DACH1: variants seen among roughly 807,000 people sequenced by gnomAD.
DACH1 encodes the protein dachshund homolog 1.
In DACH1, 12 loss-of-function variants were observed where a neutral mutation model predicts 54.2. That is an observed-to-expected ratio of 0.22 (90% CI 0.14 to 0.36). The LOEUF is 0.36. Among genes scored for constraint, DACH1 ranks in the 10% least tolerant of loss-of-function variants. The probability of loss-of-function intolerance (pLI) is 1.00; values close to 1 mark genes in which losing one functional copy is unlikely to be tolerated. For synonymous variants in DACH1, 386 were observed against 366.2 expected (o/e 1.05, Z -0.62); for missense variants, 805 against 929.8 (o/e 0.87, Z 1.75).
chr13:71,720,614 A>C (rs552713941), intron 1 of DACH1, among the ~76,000 whole-genome samples: 101 of 152,306 alleles, frequency 6.6e-4, no homozygotes, highest in Non-Finnish European at 1.1e-3. Context: ...TCGGTATTTT[A>C]ATGAAATATG....
chr13:71,548,650 C>G (rs867464774), intron 6 of DACH1, among the ~76,000 whole-genome samples: 1 of 152,096 alleles, frequency 6.6e-6, no homozygotes, highest in Non-Finnish European at 1.5e-5. Flanking sequence ...CTGTGTGGTG[C>G]TCACGCCTGT....
intron 2 of DACH1, among the ~76,000 whole-genome samples, chr13:71,671,523 A>C (rs906093587): frequency 6.6e-6 from 1 of 152,076 alleles, no homozygotes; most frequent in East Asian, 1.9e-4. Flanking sequence ...AAAGTAAAAT[A>C]AAATAGAATC....
chr13:71,794,484 G>A (rs923879183), intron 1 of DACH1, among the ~76,000 whole-genome samples: 1 of 152,110 alleles, frequency 6.6e-6, no homozygotes, highest in African/African-American at 2.4e-5. Context: ...TGTCGCCCAG[G>A]CTGGAGTGCA....
At chr13:71,703,333 A>G (rs545992199) in intron 1 of DACH1, among the ~76,000 whole-genome samples, 10 of 152,152 alleles carry the variant, frequency 6.6e-5, no homozygotes, top group Non-Finnish European at 1.3e-4. Context: ...GATGTGACAT[A>G]TACCGTCACT....
Position 71,588,223 on chromosome 13 carries a change from CACAGG to C in DACH1, c.1127-15216_1127-15212del, listed in dbSNP as rs1873422973. Among the ~76,000 whole-genome samples, 5 of 152,172 alleles carry C rather than the reference CACAGG, an allele frequency of 3.3e-5. No individual in the cohort carries two copies. The South Asian group carries it at 1.0e-3, about 32-fold the overall frequency. On this transcript the variant is annotated intron_variant, in intron 3 of 10. Transcript: ENST00000613252. ...TGTCATGAAAATACTGCAGCTTTAT[CACAGG>C]ACATAGTTGCTGACATCATCATGTA...
At chr13:71,560,265 C>A (rs1426581834) in intron 4 of DACH1, among the ~76,000 whole-genome samples, 1 of 151,956 alleles carries the variant, frequency 6.6e-6, no homozygotes, top group Admixed American at 6.6e-5. Context: ...ACCCATTAGA[C>A]AACAAAGATC....
chr13:71,506,100 C>T (rs1378884470), intron 6 of DACH1, among the ~76,000 whole-genome samples: 1 of 151,496 alleles, frequency 6.6e-6, no homozygotes, highest in East Asian at 1.9e-4. Flanking sequence ...ATTACATTTA[C>T]ATGCATTTTC....
At chr13:71,713,100 T>A (rs1462589160) in intron 1 of DACH1, among the ~76,000 whole-genome samples, 4 of 151,844 alleles carry the variant, frequency 2.6e-5, no homozygotes, top group African/African-American at 9.7e-5. Flanking sequence ...TTTTTTTTTT[T>A]TTCCTTTCTG....
intron 1 of DACH1, among the ~76,000 whole-genome samples, chr13:71,835,228 A>G (rs1159604462): frequency 6.6e-6 from 1 of 152,080 alleles, no homozygotes; most frequent in Non-Finnish European, 1.5e-5. Flanking sequence ...CTTAATGAAT[A>G]AAATACCTAG....
At chr13:71,554,829 G>A (rs548825428) in intron 6 of DACH1, among the ~76,000 whole-genome samples, 2 of 152,234 alleles carry the variant, frequency 1.3e-5, no homozygotes, top group Non-Finnish European at 2.9e-5. Flanking sequence ...ATGCTCCACA[G>A]TGGCAAAATT....
rs541678945 is a variant in DACH1, at chr13:71,695,757, T to G, written c.849-13847A>C. On this transcript the variant is annotated intron_variant, in intron 1 of 10. Coordinates refer to ENST00000613252, the MANE Select transcript of DACH1 (RefSeq NM_080759.6). ...CCTTTGAGATAATCACCAAGGCTTGTTTCTTCTAAAGCCCTCCTCCACTGT... is the reference window on the plus strand; with the variant it reads ...CCTTTGAGATAATCACCAAGGCTTGGTTCTTCTAAAGCCCTCCTCCACTGT... 9.2e-5 allele frequency among the ~76,000 whole-genome samples: 14 copies of G among 152,302 alleles called. No individual in the cohort carries two copies. The East Asian group carries it at 1.9e-3, about 21-fold the overall frequency.
intron 1 of DACH1, among the ~76,000 whole-genome samples, chr13:71,740,523 A>G (rs1309375527): frequency 6.6e-6 from 1 of 152,174 alleles, no homozygotes; most frequent in Non-Finnish European, 1.5e-5. Context: ...AAAACTCCTC[A>G]GTAATATATT....
At chr13:71,674,095 T>C (rs937547503) in intron 2 of DACH1, among the ~76,000 whole-genome samples, 18 of 152,168 alleles carry the variant, frequency 1.2e-4, no homozygotes, top group African/African-American at 4.3e-4. Context: ...ATTGAACAAA[T>C]ATTTAGTTTG....
chr13:71,824,664 G>A (rs1377308564), intron 1 of DACH1, among the ~76,000 whole-genome samples: 1 of 151,868 alleles, frequency 6.6e-6, no homozygotes, highest in African/African-American at 2.4e-5. Flanking sequence ...TTCTGCTTTG[G>A]AAAATAACTC....
At chr13:71,581,024 G>A (rs939685666) in intron 3 of DACH1, among the ~76,000 whole-genome samples, 5 of 147,046 alleles carry the variant, frequency 3.4e-5, no homozygotes, top group Non-Finnish European at 5.9e-5. Context: ...GTTCCACGTG[G>A]TCAAGCCTGT....
intron 10 of DACH1, among the ~76,000 whole-genome samples, chr13:71,469,356 GA>G (rs202150119): frequency 1.3e-4 from 19 of 145,530 alleles, no homozygotes; most frequent in Middle Eastern, 3.5e-3. Context: ...TTTGATTTAA[GA>G]AAAAAAAAAG....
chr13:71,599,725 T>C (rs1874356244), intron 3 of DACH1, among the ~76,000 whole-genome samples: 1 of 152,222 alleles, frequency 6.6e-6, no homozygotes, highest in African/African-American at 2.4e-5. Flanking sequence ...TCAATAACCC[T>C]CTCATTGATT....
chr13:71,552,480 AGTGTGCTCCAAAATTT>A lies in DACH1; in HGVS notation c.1570+4528_1570+4543del, dbSNP rs556705045. Among the ~76,000 whole-genome samples the A allele has an allele frequency of 4.7e-3, 709 of 151,994 alleles. 27 individuals carry two copies. The highest frequency in any genetic ancestry group is 1.2e-3 in the Non-Finnish European group (79 of 67,974). On this transcript the variant is annotated intron_variant, in intron 6 of 10. Transcript: ENST00000613252. ...ATATTGAGTTACAGGCAAGGTAAGA[AGTGTGCTCCAAAATTT>A]GTTGAAAGTAGCAGCAATTTAAGAA...
chr13:71,479,232 A>C lies in DACH1; in HGVS notation c.1807T>G (p.Leu603Val). 1 of 1,613,750 alleles carries C rather than the reference A, an allele frequency of 6.2e-7. No homozygotes were observed. The highest frequency in any genetic ancestry group is 8.5e-7 in the Non-Finnish European group (1 of 1,179,870). The change falls in exon 8 of 11, where the codon TTA becomes GTA. Residue 603 changes from leucine (L) to valine (V), a missense_variant. By Grantham distance (32) the Leu-to-Val change is conservative. Coordinates refer to ENST00000613252, the MANE Select transcript of DACH1 (RefSeq NM_080759.6). ...GTTTCCCTTAGTTCTCTTTCCCTTAAAAAATCCATCTTCAGCTCAGTTTTT... is the reference window on the plus strand; with the variant it reads ...GTTTCCCTTAGTTCTCTTTCCCTTACAAAATCCATCTTCAGCTCAGTTTTT... The part of the protein sequence containing the change: ...LEKTELKMDF[L>V]RERELRETLE...
Sources: gnomAD v4.1 joint callset for allele counts (sites outside exome capture counted in the v4.1 genomes callset) on GRCh38, gnomAD v4.1.1 for gene constraint, MANE v1.5 for transcripts, NCBI Gene and HGNC (gene_info 2026-07-23, HGNC 2026-07-21) for gene names.